ERMP1: variants seen among roughly 807,000 people sequenced by gnomAD.
ERMP1 encodes Felix-ina.
ERMP1 carries 86 observed loss-of-function variants against 92.0 expected under a neutral mutation model. The observed-to-expected ratio is 0.93, with a 90% CI of 0.79 to 1.12. The LOEUF is 1.12. ERMP1 is among the 50% of genes most tolerant of loss of function. The probability of loss-of-function intolerance (pLI) is 0.00; values close to 1 mark genes in which losing one functional copy is unlikely to be tolerated. For missense variants in ERMP1, 1,342 were observed against 1,116.3 expected (o/e 1.20, Z -2.88); for synonymous variants, 530 against 412.8 (o/e 1.28, Z -3.44).
chr9:5,801,291 GT>G lies in ERMP1; in HGVS notation c.1951del (p.Thr651ProfsTer3), dbSNP rs753821453. ...FIYLAKSTKK[T>X]MLTLTLVCAI... Reference sequence around the variant, plus strand: ...ACATACCAAAGTTAAAGTTAGCATGGTTTTTTTTGTGCTCTTGGCAAGGTAG... The same window carrying G: ...ACATACCAAAGTTAAAGTTAGCATGGTTTTTTTGTGCTCTTGGCAAGGTAG... On this transcript the variant is annotated frameshift_variant, in exon 11 of 15. Transcript: ENST00000339450. LOFTEE classifies it high-confidence loss of function. The G allele has an allele frequency of 1.9e-6, 3 of 1,611,980 alleles. No homozygotes were observed. The highest frequency in any genetic ancestry group is 1.7e-5 in the Admixed American group (1 of 59,780).
chr9:5,819,006 A>T (rs1017005731), intron 4 of ERMP1, among the ~76,000 whole-genome samples: 2 of 152,234 alleles, frequency 1.3e-5, no homozygotes, highest in African/African-American at 4.8e-5. Flanking sequence ...AAACTGTTTA[A>T]TTTGGCAGTT....
At chr9:5,787,688 T>G in intron 13 of ERMP1, 95 bp from the exon 14 acceptor site, 3 of 1,239,958 alleles carry the variant, frequency 2.4e-6, no homozygotes, top group Non-Finnish European at 3.4e-6. Context: ...GGTTCATGCC[T>G]GCATGACTTT....
At chr9:5,857,211 G>A (rs1000540284) in intron 6 of ERMP1, among the ~76,000 whole-genome samples, 1 of 152,050 alleles carries the variant, frequency 6.6e-6, no homozygotes, top group Non-Finnish European at 1.5e-5. Context: ...TTGTAGAGAT[G>A]GGGTTTTGCT....
At chr9:5,865,321 C>T (rs1586854515) in intron 5 of ERMP1, among the ~76,000 whole-genome samples, 1 of 150,624 alleles carries the variant, frequency 6.6e-6, no homozygotes, top group Non-Finnish European at 1.5e-5. Flanking sequence ...CCTGGATTAA[C>T]ACGGTGAAAC....
At position 5,787,082 on chromosome 9, in the gene ERMP1, T is replaced by A; in HGVS notation, c.*62A>T. On this transcript the variant is annotated 3_prime_UTR_variant, in exon 15 of 15. Coordinates refer to ENST00000339450, the MANE Select transcript of ERMP1 (RefSeq NM_024896.3). The stretch of plus-strand genomic sequence containing the variant: ...TTACGTTACAAACATCCACGTAACA[T>A]AGGGAGAAACCATGTCACATGGAGT... 1 of 1,463,360 alleles carries A rather than the reference T, an allele frequency of 6.8e-7. No individual in the cohort carries two copies. Among genetic ancestry groups the A allele is most frequent in the Non-Finnish European group, 9.3e-7 (1 of 1,075,664 alleles). 90.6% of individuals were successfully genotyped at this position (1,463,360 alleles called of 1,614,324 possible). A position where few individuals can be genotyped will look rare whatever the true frequency, so the allele number is the denominator to read the frequency against.
At chr9:5,838,429 C>T (rs561016838) in intron 6 of ERMP1, among the ~76,000 whole-genome samples, 12 of 151,978 alleles carry the variant, frequency 7.9e-5, no homozygotes, top group Non-Finnish European at 1.3e-4. Flanking sequence ...TCTATACTCC[C>T]GTCTACTAGG....
At position 5,805,711 on chromosome 9, in the gene ERMP1, G is replaced by A. The variant is rs145501202; in HGVS notation, c.1623C>T (p.Thr541=). Residue 541 remains threonine (T), a synonymous_variant, in exon 9 of 15, where the codon ACC becomes ACT. Transcript: ENST00000339450. ...SLFVHCCFLV[T]LTYQGLCSAF... ...CCGAGCAAAGTCCTTGGTAAGTGAG[G>A]GTAACAAGAAAACAGCAATGGACAA... 2 of 1,613,124 alleles carry A rather than the reference G, an allele frequency of 1.2e-6. No homozygotes were observed. The highest frequency in any genetic ancestry group is 3.3e-5 in the Admixed American group (2 of 59,886).
chr9:5,791,827 G>A (rs868829950), intron 13 of ERMP1, among the ~76,000 whole-genome samples: 1 of 152,150 alleles, frequency 6.6e-6, no homozygotes, highest in Non-Finnish European at 1.5e-5. Context: ...CAAGAATACA[G>A]AGATAAATGA....
intron 4 of ERMP1, among the ~76,000 whole-genome samples, chr9:5,813,692 T>C (rs10975298): frequency 0.33 from 50,086 of 151,610 alleles, 9,937 homozygotes; most frequent in East Asian, 0.75. Flanking sequence ...ATTATAATAA[T>C]CATTTTGATA....
At chr9:5,798,141 T>G (rs1828518628) in intron 12 of ERMP1, among the ~76,000 whole-genome samples, 1 of 152,226 alleles carries the variant, frequency 6.6e-6, no homozygotes, top group Admixed American at 6.5e-5. Context: ...TAGGTGATCT[T>G]GATTCCACCA....
At chr9:5,805,282 G>C in intron 9 of ERMP1, 65 bp from the exon 10 acceptor site, 2 of 1,251,714 alleles carry the variant, frequency 1.6e-6, no homozygotes, top group Admixed American at 2.4e-5. Context: ...AATTTTTATA[G>C]TACTGGTGTG....
chr9:5,808,015 G>A (rs1828934553), intron 8 of ERMP1, among the ~76,000 whole-genome samples: 1 of 151,880 alleles, frequency 6.6e-6, no homozygotes, highest in South Asian at 2.1e-4. Context: ...ATAGAGATGT[G>A]GTCTCACTTA....
rs1449585433 is a variant in ERMP1, at chr9:5,785,383, A to G, written c.*1761T>C. On this transcript the variant is annotated 3_prime_UTR_variant, in exon 15 of 15. Coordinates refer to ENST00000339450, the MANE Select transcript of ERMP1 (RefSeq NM_024896.3). ...TCTCCACAACTGTGATTCTATACAAAATATAAACCCTGCAAACCTTATGTG... is the reference window on the plus strand; with the variant it reads ...TCTCCACAACTGTGATTCTATACAAGATATAAACCCTGCAAACCTTATGTG... 1 of 152,204 alleles carries G rather than the reference A, an allele frequency of 6.6e-6. No homozygotes were observed. The highest frequency in any genetic ancestry group is 2.4e-5 in the African/African-American group (1 of 41,436). The allele number at this position is 152,204 out of a possible 1,614,324, so 9.4% of individuals were successfully genotyped here.
chr9:5,812,121 C>A lies in ERMP1; in HGVS notation c.1114+4G>T, dbSNP rs182243012. 2,258 of 1,579,628 alleles carry A rather than the reference C, an allele frequency of 1.4e-3. 2 individuals are homozygous for A. Among genetic ancestry groups the A allele is most frequent in the Non-Finnish European group, 1.8e-3 (2,102 of 1,156,562 alleles). ...ATATCAAAAGTCTAAATTGGAATACCAACCTGCTCTCTGAATGGAATCTGT... is the reference window on the plus strand; with the variant it reads ...ATATCAAAAGTCTAAATTGGAATACAAACCTGCTCTCTGAATGGAATCTGT... On this transcript the variant is annotated splice_donor_region_variant and intron_variant, in intron 6 of 14. Coordinates refer to ENST00000339450, the MANE Select transcript of ERMP1 (RefSeq NM_024896.3).
rs569911211 is a variant in ERMP1, at chr9:5,825,267, C to A, written c.641-48G>T. The A allele has an allele frequency of 2.1e-5, 33 of 1,569,108 alleles. No individual in the cohort carries two copies. The South Asian group carries it at 4.0e-4, about 19-fold the overall frequency. On this transcript the variant is annotated intron_variant, in intron 2 of 14. Transcript: ENST00000339450. ...TGCTGCTCAGATTTTAAAATGTTTA[C>A]AATATGACCCATTAGGACTAGGAAT...
intron 5 of ERMP1, among the ~76,000 whole-genome samples, chr9:5,862,586 G>A (rs1586850429): frequency 6.6e-6 from 1 of 152,102 alleles, no homozygotes; most frequent in African/African-American, 2.4e-5. Flanking sequence ...GCCTCAGGCT[G>A]TCCTTTTGCC....
chr9:5,788,492 G>C (rs969829548), intron 13 of ERMP1, among the ~76,000 whole-genome samples: 1 of 152,150 alleles, frequency 6.6e-6, no homozygotes, highest in African/African-American at 2.4e-5. Context: ...TCAGGGTCCT[G>C]CAAGAAAAAT....
intron 4 of ERMP1, among the ~76,000 whole-genome samples, chr9:5,815,821 C>G (rs1384892059): frequency 6.6e-6 from 1 of 151,952 alleles, no homozygotes; most frequent in African/African-American, 2.4e-5. Context: ...AAACAGATAC[C>G]ACATGCATCC....
intron 10 of ERMP1, among the ~76,000 whole-genome samples, chr9:5,802,316 C>A (rs1212547077): frequency 6.6e-6 from 1 of 152,154 alleles, no homozygotes; most frequent in Non-Finnish European, 1.5e-5. Flanking sequence ...AAACCCACCT[C>A]CCCTTTATGC....
Sources: allele counts gnomAD v4.1 joint callset (sites outside exome capture counted in the v4.1 genomes callset), GRCh38; gene constraint gnomAD v4.1.1; transcripts MANE v1.5; gene names NCBI Gene and HGNC (gene_info 2026-07-23, HGNC 2026-07-21).